INPP4B: variants seen among roughly 807,000 people sequenced by gnomAD.
The protein encoded by INPP4B is inositol polyphosphate-4-phosphatase type II B, also known as inositol polyphosphate 4-phosphatase type II.
INPP4B carries 55 observed loss-of-function variants against 122.5 expected under a neutral mutation model. The ratio of observed to expected loss-of-function variants is 0.45; its 90% CI spans 0.36 to 0.56. The LOEUF (loss-of-function observed/expected upper bound fraction) is 0.56, where lower values mean the gene tolerates loss of function less well. Ranked by LOEUF, INPP4B falls within the 20% of genes least tolerant of loss-of-function variation. The pLI, the probability that INPP4B is intolerant of heterozygous loss-of-function variation, is 0.00. For missense variants in INPP4B, 1,000 were observed against 1,097.7 expected, an observed-to-expected ratio of 0.91 and a Z score of 1.26; for synonymous variants, 403 against 388.7, an observed-to-expected ratio of 1.04 and a Z score of -0.43.
At chr4:142,124,819 G>T (rs1185449371) in intron 18 of INPP4B, 59 bp from the exon 19 acceptor site, 4 of 1,257,262 alleles carry the variant, frequency 3.2e-6, no homozygotes, top group Non-Finnish European at 2.1e-6. Context: ...GGAATATAAT[G>T]CAGAACCAAC....
chr4:142,355,592 T>TC (rs1467018350), intron 7 of INPP4B, among the ~76,000 whole-genome samples: 2 of 152,054 alleles, frequency 1.3e-5, no homozygotes, highest in East Asian at 3.9e-4. Flanking sequence ...ATAGACTTGG[T>TC]CAGCTTATTT....
chr4:142,714,929 A>G (rs1450544944), intron 2 of INPP4B, among the ~76,000 whole-genome samples: 2 of 152,206 alleles, frequency 1.3e-5, no homozygotes, highest in African/African-American at 4.8e-5. Context: ...AAGAAATGTT[A>G]TTATATATAA....
chr4:142,289,422 G>T (rs1755385478), intron 9 of INPP4B, among the ~76,000 whole-genome samples: 1 of 152,088 alleles, frequency 6.6e-6, no homozygotes, highest in South Asian at 2.1e-4. Context: ...GGACGTGAAG[G>T]TTTGTTACAT....
At chr4:142,731,511 C>T (rs1275966374) in intron 1 of INPP4B, among the ~76,000 whole-genome samples, 1 of 152,030 alleles carries the variant, frequency 6.6e-6, no homozygotes, top group East Asian at 1.9e-4. Flanking sequence ...GTTTCCATTA[C>T]AATATTAGAA....
At chr4:142,691,631 T>C (rs542997981) in intron 2 of INPP4B, among the ~76,000 whole-genome samples, 8 of 152,244 alleles carry the variant, frequency 5.3e-5, no homozygotes, top group East Asian at 1.9e-4. Flanking sequence ...AAAACCTCCA[T>C]TGACTCTCTG....
chr4:142,640,363 G>A (rs1750122771), intron 2 of INPP4B, among the ~76,000 whole-genome samples: 2 of 152,210 alleles, frequency 1.3e-5, no homozygotes, highest in African/African-American at 4.8e-5. Flanking sequence ...GAATAGGTAA[G>A]TGGAATAAAT....
intron 18 of INPP4B, among the ~76,000 whole-genome samples, chr4:142,144,919 T>C (rs1316998633): frequency 6.6e-6 from 1 of 152,078 alleles, no homozygotes; most frequent in Non-Finnish European, 1.5e-5. Flanking sequence ...ATGACTCTTT[T>C]TTTTTAAAGT....
At chr4:142,335,263 T>TAAC (rs947245497) in intron 7 of INPP4B, among the ~76,000 whole-genome samples, 6 of 151,964 alleles carry the variant, frequency 3.9e-5, no homozygotes, top group South Asian at 2.1e-4. Context: ...AAACTTGCAA[T>TAAC]AACAACAACA....
chr4:142,052,777 T>G (rs1015979038), intron 25 of INPP4B, among the ~76,000 whole-genome samples: 3 of 152,036 alleles, frequency 2.0e-5, no homozygotes, highest in Non-Finnish European at 4.4e-5. Flanking sequence ...TAAACTTGAC[T>G]TACTAAAATG....
At chr4:142,785,699 A>G (rs1775670951) in intron 1 of INPP4B, among the ~76,000 whole-genome samples, 1 of 152,140 alleles carries the variant, frequency 6.6e-6, no homozygotes, top group Non-Finnish European at 1.5e-5. Context: ...TAACATATAT[A>G]CAATTGGAAT....
chr4:142,404,795 T>C (rs1192509968), intron 6 of INPP4B, among the ~76,000 whole-genome samples: 2 of 152,170 alleles, frequency 1.3e-5, no homozygotes, highest in Non-Finnish European at 2.9e-5. Flanking sequence ...CTGGGTACTG[T>C]ACAACTTTCT....
intron 1 of INPP4B, among the ~76,000 whole-genome samples, chr4:142,747,653 A>C (rs920097213): frequency 3.9e-5 from 6 of 152,200 alleles, no homozygotes; most frequent in African/African-American, 1.4e-4. Context: ...TGCATAAAGA[A>C]AATGTGGCAC....
At chr4:142,129,301 T>G (rs3775654) in intron 18 of INPP4B, among the ~76,000 whole-genome samples, 17,309 of 152,162 alleles carry the variant, frequency 0.11, 1,117 homozygotes, top group East Asian at 0.24. Context: ...GTTGGGGGCT[T>G]GTTATTTCCT....
chr4:142,381,558 T>C (rs1794093648), intron 7 of INPP4B, among the ~76,000 whole-genome samples: 1 of 152,234 alleles, frequency 6.6e-6, no homozygotes, highest in East Asian at 1.9e-4. Context: ...TAGATTACGA[T>C]ACAGTCATAA....
chr4:142,644,466 A>C (rs1751275520), intron 2 of INPP4B, among the ~76,000 whole-genome samples: 1 of 152,064 alleles, frequency 6.6e-6, no homozygotes, highest in South Asian at 2.1e-4. Flanking sequence ...TAGATTACTA[A>C]AACTTTAAGA....
chr4:142,333,595 A>G, intron 7 of INPP4B, among the ~76,000 whole-genome samples: 1 of 152,228 alleles, frequency 6.6e-6, no homozygotes. Context: ...TAAATATCAT[A>G]TAATTCAACA....
chr4:142,775,312 G>T (rs1434334175), intron 1 of INPP4B, among the ~76,000 whole-genome samples: 1 of 151,044 alleles, frequency 6.6e-6, no homozygotes, highest in Non-Finnish European at 1.5e-5. Context: ...TTAAAGAATG[G>T]ATAGTTATGC....
Position 142,273,671 on chromosome 4 carries a change from A to G in INPP4B, c.504-2897T>C, listed in dbSNP as rs183923414. On this transcript the variant is annotated intron_variant, in intron 9 of 25. Coordinates refer to ENST00000262992, the MANE Select transcript of INPP4B (RefSeq NM_001101669.3). ...GGTTTCCTATTTTTCCTTATCTTCT[A>G]TAGGCTTTCACTTAGTGCCTGGGTG... Among the ~76,000 whole-genome samples, 3 of 151,822 alleles carry G rather than the reference A, an allele frequency of 2.0e-5. No homozygotes were observed. In the East Asian group the frequency reaches 5.8e-4, roughly 29 times the overall value.
chr4:142,412,197 A>T (rs1804745389), intron 5 of INPP4B, among the ~76,000 whole-genome samples: 1 of 152,204 alleles, frequency 6.6e-6, no homozygotes, highest in Admixed American at 6.5e-5. Context: ...CACAGTTAAC[A>T]TTCTATACCA....
Sources: gnomAD v4.1 joint callset for allele counts (sites outside exome capture counted in the v4.1 genomes callset) on GRCh38, gnomAD v4.1.1 for gene constraint, MANE v1.5 for transcripts, NCBI Gene and HGNC (gene_info 2026-07-23, HGNC 2026-07-21) for gene names.